The following METTL2B variants were observed in gnomAD, a reference collection of about 807,000 sequenced individuals.
METTL2B encodes tRNA N(3)-cytidine methyltransferase METTL2B.
METTL2B carries 28 observed loss-of-function variants against 51.0 expected under a neutral mutation model. The observed-to-expected ratio is 0.55, with a 90% confidence interval of 0.41 to 0.75. METTL2B has a LOEUF of 0.75. Among genes scored for constraint, METTL2B ranks in the 30% least tolerant of loss-of-function variants. The probability of loss-of-function intolerance (pLI) is 0.00; values close to 1 mark genes in which losing one functional copy is unlikely to be tolerated. For missense variants in METTL2B, 313 were observed against 460.7 expected, an observed-to-expected ratio of 0.68 and a Z score of 2.93; for synonymous variants, 128 against 166.3, an observed-to-expected ratio of 0.77 and a Z score of 1.77.
intron 5 of METTL2B, among the ~76,000 whole-genome samples, chr7:128,493,036 C>T (rs1211482707): frequency 6.6e-6 from 1 of 151,808 alleles, no homozygotes; most frequent in Non-Finnish European, 1.5e-5. Flanking sequence ...ACAGAAAGTA[C>T]ACAAGAATAA....
chr7:128,491,761 CAAAA>C (rs57526525), intron 5 of METTL2B, among the ~76,000 whole-genome samples: 1 of 114,600 alleles, frequency 8.7e-6, no homozygotes. Flanking sequence ...GACTCTGTCT[CAAAA>C]AAAAAAAAAA....
chr7:128,498,125 A>G lies in METTL2B; in HGVS notation c.899A>G (p.Gln300Arg). 17 of 1,613,796 alleles carry G rather than the reference A, an allele frequency of 1.1e-5. No homozygotes were observed. Among genetic ancestry groups the G allele is most frequent in the Non-Finnish European group, 1.4e-5 (17 of 1,179,820 alleles). ...GATTACGGCCGCTATGACATGGCTC[A>G]GCTTCGGTTTAAAAAAGGTATTTTG... Reference protein sequence around the residue: ...LRDYGRYDMAQLRFKKGQCLS... With the variant: ...LRDYGRYDMARLRFKKGQCLS... Residue 300 changes from glutamine to arginine, a missense_variant, in exon 7 of 9, where the codon CAG becomes CGG. Around this residue, in one of 4 missense-constraint regions of METTL2B, gnomAD observed 138 missense variants for 187.6 expected, o/e 0.74. Coordinates refer to ENST00000262432, the MANE Select transcript of METTL2B (RefSeq NM_018396.3).
intron 4 of METTL2B, chr7:128,484,232 T>TTTTTTTTTTTTTTTTTTTTTTTTTTTTTG (rs1563027693): frequency 1.2e-5 from 1 of 83,558 alleles, no homozygotes; most frequent in Non-Finnish European, 2.2e-5. Flanking sequence ...TTTTTTTTTT[T>TTTTTTTTTTTTTTTTTTTTTTTTTTTTTG]TTTTTTTTTT....
rs183413091 is a variant in METTL2B at position 128,501,326 on chromosome 7, A to G, written c.982+358A>G. 3,964 of 985,384 alleles carry G rather than the reference A, an allele frequency of 4.0e-3. 128 individuals are homozygous for G. In the African/African-American group the frequency reaches 0.064, roughly 16 times the overall value. 61.0% of individuals were successfully genotyped at this position (985,384 alleles called of 1,614,324 possible). ...TGGGTCAGGGTGAACCCTGGGTTCT[A>G]GGGGTGCCGGGAACTGCTCTCCTCT... On this transcript the variant is annotated intron_variant, in intron 8 of 8. Coordinates refer to ENST00000262432, the MANE Select transcript of METTL2B (RefSeq NM_018396.3).
intron 5 of METTL2B, among the ~76,000 whole-genome samples, chr7:128,490,812 T>C (rs1033189415): frequency 6.6e-6 from 1 of 152,082 alleles, no homozygotes; most frequent in African/African-American, 2.4e-5. Flanking sequence ...CTTTGGCCAA[T>C]GAGAAACAAA....
Position 128,506,182 on chromosome 7 carries a change from C to T in METTL2B, c.*4266C>T, listed in dbSNP as rs1420488911. 6.6e-6 allele frequency: 1 copy of T among 152,104 alleles called. No homozygotes were observed. The highest frequency in any genetic ancestry group is 1.5e-5 in the Non-Finnish European group (1 of 68,008). 9.4% of individuals were successfully genotyped at this position (152,104 alleles called of 1,614,324 possible). On this transcript the variant is annotated 3_prime_UTR_variant, in exon 9 of 9. Coordinates refer to ENST00000262432, the MANE Select transcript of METTL2B (RefSeq NM_018396.3). Reference sequence around the variant, plus strand: ...GGAGGAAGAGAGCTCCCATCTTTTCCATTACCGTATTTACTTAAAACTGGA... The same window carrying T: ...GGAGGAAGAGAGCTCCCATCTTTTCTATTACCGTATTTACTTAAAACTGGA...
Position 128,489,617 on chromosome 7 carries a change from G to T in METTL2B, c.669+1456G>T, listed in dbSNP as rs1327641358. Among the ~76,000 whole-genome samples, 3 of 146,174 alleles carry T rather than the reference G, an allele frequency of 2.1e-5. No individual in the cohort carries two copies. The East Asian group carries it at 6.1e-4, about 30-fold the overall frequency. ...GGTAGTGGTTGCTAAGGGCTGGGGTGACTGGCAATTTCTTTTTTTTTTTTT... is the reference window on the plus strand; with the variant it reads ...GGTAGTGGTTGCTAAGGGCTGGGGTTACTGGCAATTTCTTTTTTTTTTTTT... On this transcript the variant is annotated intron_variant, in intron 5 of 8. Transcript: ENST00000262432.
In METTL2B at chr7:128,479,508, C is replaced by T. The variant is rs1320150845; in HGVS notation, c.553C>T (p.Leu185=). ...TGGATCCTCAGCCACCTACCGAATA[C>T]TGGAGGTAACCTTTTATTGTCTTGG... ...FPGSSATYRI[L]EVGCGVGNTV... is the part of the protein sequence containing the mutation. The change falls in exon 3 of 9, where the codon CTG becomes TTG. Residue 185 remains leucine (L), a synonymous_variant. Coordinates refer to ENST00000262432, the MANE Select transcript of METTL2B (RefSeq NM_018396.3). 1 of 1,613,204 alleles carries T rather than the reference C, an allele frequency of 6.2e-7. No homozygotes were observed. Among genetic ancestry groups the T allele is most frequent in the South Asian group, 1.1e-5 (1 of 91,060 alleles).
At chr7:128,501,711 T>G in intron 8 of METTL2B, 51 bp from the exon 9 acceptor site, 1 of 1,604,376 alleles carries the variant, frequency 6.2e-7, no homozygotes, top group Non-Finnish European at 8.5e-7. Context: ...TAGATAAAAA[T>G]GCCTTTTCTT....
intron 4 of METTL2B, among the ~76,000 whole-genome samples, chr7:128,485,771 C>G (rs527329488): frequency 6.6e-6 from 1 of 152,026 alleles, no homozygotes; most frequent in Non-Finnish European, 1.5e-5. Flanking sequence ...GAGCCATGAT[C>G]ACACCACTGT....
intron 6 of METTL2B, among the ~76,000 whole-genome samples, chr7:128,494,152 C>G (rs1387996881): frequency 2.6e-5 from 4 of 152,168 alleles, no homozygotes; most frequent in Non-Finnish European, 4.4e-5. Context: ...GCCACCAGTC[C>G]TGGCTAATTT....
Position 128,506,530 on chromosome 7 carries a change from T to C in METTL2B, c.*4614T>C, listed in dbSNP as rs1793122712. On this transcript the variant is annotated 3_prime_UTR_variant, in exon 9 of 9. Coordinates refer to ENST00000262432, the MANE Select transcript of METTL2B (RefSeq NM_018396.3). ...ATCGCTAATGATGGGCAGAGGACTGTTACATGTGTTGGGAGGGATTAAAGT... is the reference window on the plus strand; with the variant it reads ...ATCGCTAATGATGGGCAGAGGACTGCTACATGTGTTGGGAGGGATTAAAGT... 6.6e-6 allele frequency: 1 copy of C among 152,180 alleles called. No individual in the cohort carries two copies. Among genetic ancestry groups the C allele is most frequent in the African/African-American group, 2.4e-5 (1 of 41,434 alleles). The allele number at this position is 152,180 out of a possible 1,614,324, so 9.4% of individuals were successfully genotyped here.
At chr7:128,481,915 A>G (rs542096422) in intron 4 of METTL2B, among the ~76,000 whole-genome samples, 2 of 152,320 alleles carry the variant, frequency 1.3e-5, no homozygotes, top group East Asian at 3.9e-4. Flanking sequence ...AAGTGCTGGA[A>G]TTACATGCAT....
chr7:128,487,018 A>G (rs1792731125), intron 4 of METTL2B, among the ~76,000 whole-genome samples: 1 of 152,244 alleles, frequency 6.6e-6, no homozygotes. Flanking sequence ...AACTTTGTGC[A>G]GTGATGGAAA....
chr7:128,494,737 C>T (rs1792893283), intron 6 of METTL2B, among the ~76,000 whole-genome samples: 1 of 152,138 alleles, frequency 6.6e-6, no homozygotes, highest in Admixed American at 6.6e-5. Flanking sequence ...ACACAATTGT[C>T]CTGCCTCAAC....
intron 6 of METTL2B, among the ~76,000 whole-genome samples, chr7:128,494,867 T>C (rs1262085265): frequency 1.3e-5 from 2 of 151,468 alleles, no homozygotes; most frequent in African/African-American, 4.9e-5. Context: ...CCTTGTGATC[T>C]GCTTGCCTCA....
chr7:128,500,095 C>T (rs764163225), intron 7 of METTL2B, among the ~76,000 whole-genome samples: 33 of 152,066 alleles, frequency 2.2e-4, no homozygotes, highest in Admixed American at 1.7e-3. Flanking sequence ...TAAGTATACA[C>T]GTGTGATGAT....
intron 7 of METTL2B, among the ~76,000 whole-genome samples, chr7:128,499,544 A>G (rs1584797985): frequency 1.8e-5 from 2 of 113,188 alleles, no homozygotes; most frequent in African/African-American, 7.1e-5. Flanking sequence ...TTTGAGACGG[A>G]GTCTCGCTCT....
rs1792904440 is a variant in METTL2B at position 128,495,223 on chromosome 7, T to A, written c.809+1280T>A. 2.0e-5 allele frequency among the ~76,000 whole-genome samples: 3 copies of A among 151,990 alleles called. No homozygotes were observed. The South Asian group carries it at 6.2e-4, about 32-fold the overall frequency. ...GGCGTGAGCCACCACGCCCAGCCTA[T>A]TGGCCTTTTAAATGCTTTAAATAAA... is the stretch of plus-strand genomic sequence containing the variant. On this transcript the variant is annotated intron_variant, in intron 6 of 8. Transcript: ENST00000262432.
Sources: allele counts gnomAD v4.1 joint callset (sites outside exome capture counted in the v4.1 genomes callset), GRCh38; gene constraint gnomAD v4.1.1; regional missense constraint gnomAD v4.1.1; transcripts MANE v1.5; gene names NCBI Gene and HGNC (gene_info 2026-07-23, HGNC 2026-07-21).